Variants in RYR3 observed in about 807,000 individuals in gnomAD.
RYR3 encodes the protein brain ryanodine receptor-calcium release channel.
Under a neutral mutation model 584.3 loss-of-function variants are expected in RYR3, and 207 were observed. The observed-to-expected ratio is 0.35, with a 90% CI of 0.32 to 0.40. The LOEUF (loss-of-function observed/expected upper bound fraction) is 0.40. Among genes scored for constraint, RYR3 ranks in the 10% least tolerant of loss-of-function variants. The pLI is 1.00. For missense variants in RYR3, 5,616 were observed against 6,089.2 expected, an observed-to-expected ratio of 0.92 and a Z score of 2.59; for synonymous variants, 2,416 against 2,248.5, an observed-to-expected ratio of 1.07 and a Z score of -2.11.
rs1967902022 is a variant in RYR3, at chr15:33,314,880, CT to C, written c.51+3785del. Among the ~76,000 whole-genome samples the C allele has an allele frequency of 2.0e-5, 3 of 151,996 alleles. No individual in the cohort carries two copies. In the South Asian group the frequency reaches 6.2e-4, roughly 32 times the overall value. ...AGTGAGCCGAGATTGCGCCACTGGA[CT>C]CTAGCCTGGGCGGCAGAGCAAGACT... On this transcript the variant is annotated intron_variant, in intron 1 of 103. Transcript: ENST00000634891.
intron 1 of RYR3, among the ~76,000 whole-genome samples, chr15:33,467,078 A>T (rs150628836): frequency 1.3e-5 from 2 of 152,346 alleles, no homozygotes; most frequent in East Asian, 3.9e-4. Flanking sequence ...GTGCACACCC[A>T]TATCTTCATA....
In RYR3 at chr15:33,562,948, C is replaced by G. The variant is rs1296808527; in HGVS notation, c.1084C>G (p.Leu362Val). The G allele has an allele frequency of 1.5e-5, 25 of 1,613,508 alleles. No homozygotes were observed. The Admixed American group carries it at 4.2e-4, about 27-fold the overall frequency. The change falls in exon 11 of 104, where the codon CTG becomes GTG. Residue 362 changes from leucine (L) to valine (V), a missense_variant. Around this residue, in one of 9 missense-constraint regions of RYR3, gnomAD observed 1,284 missense variants for 1,344.6 expected, o/e 0.95. Coordinates refer to ENST00000634891, the MANE Select transcript of RYR3 (RefSeq NM_001036.6). ...CTTTGTGCAGCATATAGCCAGTGGT[C>G]TGTGGGTGACCTACAAAGCACAAGA... ...VCFVQHIASGLWVTYKAQDAK... is the reference protein window; with the variant it reads ...VCFVQHIASGVWVTYKAQDAK...
At chr15:33,702,281 C>A (rs181487876) in intron 42 of RYR3, among the ~76,000 whole-genome samples, 9 of 152,028 alleles carry the variant, frequency 5.9e-5, no homozygotes, top group African/African-American at 2.2e-4. Flanking sequence ...AGGGGCAACA[C>A]GATACAATTC....
At chr15:33,775,076 G>A (rs569146874) in intron 64 of RYR3, among the ~76,000 whole-genome samples, 2 of 151,364 alleles carry the variant, frequency 1.3e-5, no homozygotes, top group African/African-American at 4.8e-5. Context: ...TGTCAGACCA[G>A]AAAAAGACTG....
intron 103 of RYR3, among the ~76,000 whole-genome samples, chr15:33,864,391 T>C (rs1416431688): frequency 6.6e-6 from 1 of 151,366 alleles, no homozygotes; most frequent in East Asian, 1.9e-4. Flanking sequence ...TTCTAAATGC[T>C]TATAGCTACT....
chr15:33,571,445 C>T (rs961223257), intron 12 of RYR3, among the ~76,000 whole-genome samples: 1 of 152,066 alleles, frequency 6.6e-6, no homozygotes, highest in Non-Finnish European at 1.5e-5. Flanking sequence ...TACTTCAATT[C>T]CATCAGTTTT....
At chr15:33,688,364 G>A (rs866731193) in intron 38 of RYR3, among the ~76,000 whole-genome samples, 1 of 152,152 alleles carries the variant, frequency 6.6e-6, no homozygotes, top group Middle Eastern at 3.4e-3. Context: ...CACGAGACAG[G>A]AGATCGAGAC....
chr15:33,485,724 A>G (rs1230548993), intron 2 of RYR3, among the ~76,000 whole-genome samples: 1 of 152,200 alleles, frequency 6.6e-6, no homozygotes, highest in Non-Finnish European at 1.5e-5. Context: ...TTTTAGTGCT[A>G]CGCATTTTCT....
chr15:33,824,359 T>G (rs2077267035), intron 81 of RYR3, among the ~76,000 whole-genome samples: 1 of 152,196 alleles, frequency 6.6e-6, no homozygotes, highest in Non-Finnish European at 1.5e-5. Flanking sequence ...TTTTAAAAAT[T>G]TAAGCAGTAG....
chr15:33,527,958 C>A (rs972710852), intron 3 of RYR3, among the ~76,000 whole-genome samples: 1 of 151,832 alleles, frequency 6.6e-6, no homozygotes, highest in African/African-American at 2.4e-5. Flanking sequence ...GAGGTGGCAC[C>A]GAAAGATGCT....
intron 3 of RYR3, among the ~76,000 whole-genome samples, chr15:33,515,286 C>A (rs999268913): frequency 6.6e-6 from 1 of 152,326 alleles, no homozygotes; most frequent in East Asian, 1.9e-4. Flanking sequence ...TGACCTCAGG[C>A]AGCTGACCCA....
chr15:33,497,394 C>T (rs1369318262), intron 2 of RYR3, among the ~76,000 whole-genome samples: 1 of 152,156 alleles, frequency 6.6e-6, no homozygotes, highest in Non-Finnish European at 1.5e-5. Context: ...CACTCTTGCT[C>T]CATCATCTCC....
Position 33,530,597 on chromosome 15 carries a change from A to G in RYR3, c.285A>G (p.Ala95=), listed in dbSNP as rs754311467. 8.7e-6 allele frequency: 14 copies of G among 1,612,676 alleles called. 1 individual carries two copies. In the South Asian group the frequency reaches 1.5e-4, roughly 18 times the overall value. The change falls in exon 4 of 104, where the codon GCA becomes GCG. Residue 95 remains alanine (A), a synonymous_variant. Coordinates refer to ENST00000634891, the MANE Select transcript of RYR3 (RefSeq NM_001036.6). Reference sequence around the variant, plus strand: ...ATTCTTCCTCATTCCCACAGGCAGCACAAGGAGGTGGCCACAGGACCCTGT... The same window carrying G: ...ATTCTTCCTCATTCCCACAGGCAGCGCAAGGAGGTGGCCACAGGACCCTGT... The part of the protein sequence containing the change: ...NTGENGGEGA[A]QGGGHRTLLY...
intron 86 of RYR3, among the ~76,000 whole-genome samples, chr15:33,833,273 G>C (rs1486849286): frequency 6.6e-6 from 1 of 152,140 alleles, no homozygotes; most frequent in Non-Finnish European, 1.5e-5. Context: ...TATTCCAAGA[G>C]TCCAAGAGTT....
intron 72 of RYR3, among the ~76,000 whole-genome samples, chr15:33,811,323 G>A (rs867137239): frequency 1.2e-4 from 19 of 152,158 alleles, no homozygotes; most frequent in Middle Eastern, 3.4e-3. Context: ...GGCTAACACG[G>A]TGAAACCCCG....
intron 1 of RYR3, among the ~76,000 whole-genome samples, chr15:33,424,401 T>C (rs1466847228): frequency 6.6e-6 from 1 of 152,192 alleles, no homozygotes; most frequent in Admixed American, 6.5e-5. Flanking sequence ...AAAACCTGAT[T>C]ATGGAACTTC....
rs528996546 is a variant in RYR3, at chr15:33,688,433, C to T, written c.5861-7785C>T. On this transcript the variant is annotated intron_variant, in intron 38 of 103. Coordinates refer to ENST00000634891, the MANE Select transcript of RYR3 (RefSeq NM_001036.6). ...CTAAAAATACAAAAAATTAGCCAGG[C>T]GTGGTGGCGGGCACCTGTAGTCCCA... Among the ~76,000 whole-genome samples, 16 of 151,944 alleles carry T rather than the reference C, an allele frequency of 1.1e-4. No individual in the cohort carries two copies. In the East Asian group the frequency reaches 2.5e-3, roughly 24 times the overall value.
In RYR3 at chr15:33,818,679, G is replaced by A. The variant is rs1402985591; in HGVS notation, c.10701G>A (p.Glu3567=). The A allele has an allele frequency of 6.2e-7, 1 of 1,612,684 alleles. No homozygotes were observed. Among genetic ancestry groups the A allele is most frequent in the South Asian group, 1.1e-5 (1 of 90,918 alleles). ...ATTTTAGCCGCAACGCTCTCACGGA[G>A]AGGAGGTCAGAACCACCAGCTCACC... is the stretch of plus-strand genomic sequence containing the variant. ...ILYFSRNALT[E]RSKLEDDPLY... The change falls in exon 76 of 104, where the codon GAG becomes GAA. Residue 3567 remains glutamate, a synonymous_variant. Transcript: ENST00000634891.
intron 85 of RYR3, among the ~76,000 whole-genome samples, chr15:33,830,173 G>C (rs1476617395): frequency 2.6e-5 from 4 of 152,196 alleles, no homozygotes; most frequent in Non-Finnish European, 5.9e-5. Flanking sequence ...ATGCTATCAA[G>C]CAGTACATGC....
Sources: allele counts gnomAD v4.1 joint callset (sites outside exome capture counted in the v4.1 genomes callset), GRCh38; gene constraint gnomAD v4.1.1; regional missense constraint gnomAD v4.1.1; transcripts MANE v1.5; gene names NCBI Gene and HGNC (gene_info 2026-07-23, HGNC 2026-07-21).